CTSH: variants seen among roughly 807,000 people sequenced by gnomAD.
CTSH encodes pro-cathepsin H.
CTSH carries 52 observed loss-of-function variants against 56.3 expected under a neutral mutation model. The ratio of observed to expected loss-of-function variants is 0.92; its 90% CI spans 0.74 to 1.16. CTSH has a LOEUF of 1.16. Ranked by LOEUF, CTSH falls within the 50% of genes most tolerant of loss-of-function variation. CTSH has a pLI of 0.00. For synonymous variants in CTSH, 174 were observed against 155.7 expected, an observed-to-expected ratio of 1.12 and a Z score of -0.88; for missense variants, 406 against 424.5, an observed-to-expected ratio of 0.96 and a Z score of 0.38.
At chr15:78,933,194 C>G (rs1448517250) in intron 5 of CTSH, among the ~76,000 whole-genome samples, 1 of 152,232 alleles carries the variant, frequency 6.6e-6, no homozygotes, top group Non-Finnish European at 1.5e-5. Flanking sequence ...GGGCTGCAGC[C>G]TGCCTGCCTG....
intron 10 of CTSH, among the ~76,000 whole-genome samples, chr15:78,925,083 G>C (rs2054873533): frequency 6.6e-6 from 1 of 152,198 alleles, no homozygotes; most frequent in Admixed American, 6.5e-5. Context: ...TCACTAGCCA[G>C]GTGGCCTGTG....
At chr15:78,934,929 TG>T in intron 5 of CTSH, 48 bp downstream of exon 5, 1 of 1,198,932 alleles carries the variant, frequency 8.3e-7, no homozygotes, top group Non-Finnish European at 1.2e-6. Context: ...GTGTATTGTC[TG>T]GGAGTGTGGC....
intron 1 of CTSH, chr15:78,944,489 C>T (rs1186971805): frequency 1.8e-5 from 3 of 165,792 alleles, no homozygotes; most frequent in Non-Finnish European, 2.6e-5. Flanking sequence ...CCCCTGTGTG[C>T]CAAGTCCCGG....
At chr15:78,932,487 A>G (rs1034654280) in intron 5 of CTSH, 29 bp from the exon 6 acceptor site, 7 of 1,566,612 alleles carry the variant, frequency 4.5e-6, no homozygotes, top group Admixed American at 1.7e-5. Flanking sequence ...AGCAGAGGAC[A>G]TCAGTGATGG....
intron 6 of CTSH, chr15:78,931,962 A>C: frequency 8.7e-7 from 1 of 1,153,050 alleles, no homozygotes. Flanking sequence ...TAGTTCCTTC[A>C]GGGGCATCAT....
At chr15:78,933,333 G>GTTAA (rs995600319) in intron 5 of CTSH, among the ~76,000 whole-genome samples, 29 of 152,380 alleles carry the variant, frequency 1.9e-4, no homozygotes, top group African/African-American at 6.7e-4. Context: ...CGCTAGCAGG[G>GTTAA]TTAAGTCAGA....
At chr15:78,925,690 G>A in intron 9 of CTSH, 2 of 417,006 alleles carry the variant, frequency 4.8e-6, no homozygotes, top group South Asian at 4.6e-5. Context: ...GTACAGCGTG[G>A]ACCTACTCAT....
At chr15:78,923,720 G>A (rs555060572) in intron 10 of CTSH, among the ~76,000 whole-genome samples, 2 of 152,322 alleles carry the variant, frequency 1.3e-5, no homozygotes, top group East Asian at 1.9e-4. Flanking sequence ...TGCACCTTCT[G>A]TAGGCAACAG....
intron 1 of CTSH, chr15:78,944,647 G>C (rs2055357586): frequency 1.7e-6 from 1 of 572,238 alleles, no homozygotes; most frequent in Non-Finnish European, 2.7e-6. Flanking sequence ...GAGCCACCTG[G>C]CTAGGTGGGA....
chr15:78,932,156 G>T, intron 6 of CTSH: 1 of 1,014,676 alleles, frequency 9.9e-7, no homozygotes, highest in Non-Finnish European at 1.4e-6. Flanking sequence ...ATCCATCTAG[G>T]AATGAGCCCT....
chr15:78,923,264 T>A, intron 10 of CTSH, 146 bp from the exon 11 acceptor site: 2 of 827,618 alleles, frequency 2.4e-6, no homozygotes, highest in South Asian at 3.2e-5. Context: ...TGTAATCACA[T>A]TTAGTCTCCG....
intron 8 of CTSH, among the ~76,000 whole-genome samples, chr15:78,928,722 G>A (rs1308917662): frequency 1.3e-5 from 2 of 152,148 alleles, no homozygotes; most frequent in Non-Finnish European, 1.5e-5. Flanking sequence ...CCTGGGGGAG[G>A]CCACCCTCAG....
chr15:78,932,336 T>TGA, intron 6 of CTSH, 36 bp downstream of exon 6: 1 of 1,585,876 alleles, frequency 6.3e-7, no homozygotes, highest in Non-Finnish European at 8.7e-7. Flanking sequence ...GGATGGGGTG[T>TGA]CCTCCGCAGG....
intron 1 of CTSH, 152 bp from the exon 2 acceptor site, chr15:78,939,323 A>T (rs1262617735): frequency 1.7e-6 from 1 of 588,830 alleles, no homozygotes; most frequent in Admixed American, 3.8e-5. Context: ...GAATGCAAAA[A>T]GAAACTCCGA....
In CTSH at chr15:78,945,039, C is replaced by G; in HGVS notation, c.-58G>C. ...GGTCCGCGGAGGTGGCGGCCCAGAG[C>G]GTCAACTGGGAGCGCGGGGGGGGAG... On this transcript the variant is annotated 5_prime_UTR_variant, in exon 1 of 12. Transcript: ENST00000220166. 5 of 1,357,684 alleles carry G rather than the reference C, an allele frequency of 3.7e-6. No homozygotes were observed. The highest frequency in any genetic ancestry group is 2.9e-6 in the Non-Finnish European group (3 of 1,042,036). 84.1% of individuals were successfully genotyped at this position (1,357,684 alleles called of 1,614,324 possible).
At chr15:78,941,518 C>T (rs1478783138) in intron 1 of CTSH, among the ~76,000 whole-genome samples, 3 of 150,474 alleles carry the variant, frequency 2.0e-5, no homozygotes, top group African/African-American at 2.4e-5. Flanking sequence ...TGGAGCTGGG[C>T]GCGGTGGCTC....
At chr15:78,933,127 G>A (rs967446449) in intron 5 of CTSH, among the ~76,000 whole-genome samples, 39 of 152,196 alleles carry the variant, frequency 2.6e-4, no homozygotes, top group East Asian at 7.7e-4. Context: ...GTTCATTGCC[G>A]CTGCCTAGCC....
intron 8 of CTSH, 71 bp downstream of exon 8, chr15:78,929,341 C>G (rs1445203330): frequency 1.7e-5 from 21 of 1,207,386 alleles, no homozygotes; most frequent in Admixed American, 1.1e-4. Context: ...GGATGTCTTC[C>G]AAGGCTGGGG....
chr15:78,937,972 G>C, intron 2 of CTSH: 1 of 378,290 alleles, frequency 2.6e-6, no homozygotes, highest in Non-Finnish European at 4.8e-6. Context: ...TTTATGCTGG[G>C]AACATTCAAA....
Sources: gnomAD v4.1 joint callset for allele counts (sites outside exome capture counted in the v4.1 genomes callset) on GRCh38, gnomAD v4.1.1 for gene constraint, MANE v1.5 for transcripts, NCBI Gene and HGNC (gene_info 2026-07-23, HGNC 2026-07-21) for gene names.